The following CCDC174 variants were observed in gnomAD, a reference collection of about 807,000 sequenced individuals.
CCDC174 encodes coiled-coil domain-containing protein 174.
Under a neutral mutation model 57.1 loss-of-function variants are expected in CCDC174, and 37 were observed. The ratio of observed to expected loss-of-function variants is 0.65; its 90% CI spans 0.50 to 0.85. The LOEUF (loss-of-function observed/expected upper bound fraction) is 0.85, where lower values mean the gene tolerates loss of function less well. CCDC174 is among the 40% of genes least tolerant of loss of function. The probability of loss-of-function intolerance (pLI) is 0.00; values close to 1 mark genes in which losing one functional copy is unlikely to be tolerated. For synonymous variants in CCDC174, 182 were observed against 190.2 expected, an observed-to-expected ratio of 0.96 and a Z score of 0.35; for missense variants, 540 against 574.3, an observed-to-expected ratio of 0.94 and a Z score of 0.61.
At chr3:14,667,392 C>A in intron 7 of CCDC174, 32 bp from the exon 8 acceptor site, 1 of 1,543,320 alleles carries the variant, frequency 6.5e-7, no homozygotes, top group South Asian at 1.1e-5. Flanking sequence ...TCAGGACAGT[C>A]TGATCTTTTG....
chr3:14,656,943 G>T (rs1447806083), intron 3 of CCDC174, among the ~76,000 whole-genome samples: 2 of 152,136 alleles, frequency 1.3e-5, no homozygotes, highest in African/African-American at 4.8e-5. Context: ...CAGCAATCTT[G>T]GGTCTGAAGA....
intron 9 of CCDC174, 46 bp from the exon 10 acceptor site, chr3:14,669,888 C>A: frequency 6.3e-7 from 1 of 1,594,392 alleles, no homozygotes; most frequent in Non-Finnish European, 8.6e-7. Context: ...TTAAAAATAG[C>A]TTTAGGCTTT....
intron 3 of CCDC174, among the ~76,000 whole-genome samples, chr3:14,658,548 A>C (rs1463991797): frequency 1.3e-5 from 2 of 152,258 alleles, no homozygotes. Flanking sequence ...TTGGATTCTT[A>C]AGTCAGTTGA....
chr3:14,655,424 T>A, intron 2 of CCDC174, 105 bp from the exon 3 acceptor site: 1 of 651,542 alleles, frequency 1.5e-6, no homozygotes, highest in Admixed American at 2.7e-5. Flanking sequence ...CTCCATTGAT[T>A]CATAAGAACT....
At chr3:14,666,698 T>G in intron 6 of CCDC174, 107 bp from the exon 7 acceptor site, 1 of 905,182 alleles carries the variant, frequency 1.1e-6, no homozygotes, top group Non-Finnish European at 1.6e-6. Context: ...TAGTTCCCTG[T>G]TTTCTTTATC....
chr3:14,670,045 A>T lies in CCDC174; in HGVS notation c.1064A>T (p.Lys355Met). The T allele has an allele frequency of 6.2e-7, 1 of 1,612,366 alleles. No homozygotes were observed. The highest frequency in any genetic ancestry group is 8.5e-7 in the Non-Finnish European group (1 of 1,179,486). ...EVIVQERKDT[K>M]PGVPHIREWD... ...ATTGTCCAGGAGAGGAAGGACACCA[A>T]GCCTGGAGTGCCACACATCCGGGAG... The change falls in exon 10 of 11, where the codon AAG becomes ATG. Residue 355 changes from lysine to methionine, a missense_variant. Transcript: ENST00000383794.
intron 9 of CCDC174, among the ~76,000 whole-genome samples, chr3:14,668,386 A>G (rs1317976283): frequency 1.3e-5 from 2 of 152,238 alleles, no homozygotes; most frequent in Non-Finnish European, 2.9e-5. Flanking sequence ...AGATGAGGAT[A>G]TGAAGCAACA....
In CCDC174 at chr3:14,661,751, T is replaced by TG. The variant is rs2031147213; in HGVS notation, c.485+45dup. 3 of 1,522,604 alleles carry TG rather than the reference T, an allele frequency of 2.0e-6. No homozygotes were observed. In the African/African-American group the frequency reaches 4.2e-5, roughly 21 times the overall value. The allele number at this position is 1,522,604 out of a possible 1,614,324, so 94.3% of individuals were successfully genotyped here. A position where few individuals can be genotyped will look rare whatever the true frequency, so the allele number is the denominator to read the frequency against. On this transcript the variant is annotated intron_variant, in intron 5 of 10. Transcript: ENST00000383794. ...TAGCTCAGAGGAACATCCTCAGACT[T>TG]GCGCTGACATTTTGGGAGTGATTTT...
rs796411650 is a variant in CCDC174 at position 14,662,533 on chromosome 3, TTC to T, written c.485+828_485+829del. On this transcript the variant is annotated intron_variant, in intron 5 of 10. Transcript: ENST00000383794. Reference sequence around the variant, plus strand: ...ATAAGTAGAGAGACCAGAATGGGAATTCTGTTACAATGATTTTTTTCTACCTA... The same window carrying T: ...ATAAGTAGAGAGACCAGAATGGGAATTGTTACAATGATTTTTTTCTACCTA... 4.2e-4 allele frequency among the ~76,000 whole-genome samples: 64 copies of T among 152,338 alleles called. 1 individual carries two copies. The highest frequency in any genetic ancestry group is 1.5e-3 in the African/African-American group (62 of 41,578).
chr3:14,668,270 G>A (rs1244403175), intron 9 of CCDC174, 89 bp downstream of exon 9: 109 of 1,310,224 alleles, frequency 8.3e-5, no homozygotes, highest in East Asian at 7.2e-5. Context: ...GTGAAAATTA[G>A]CCATTTAGTT....
Position 14,671,276 on chromosome 3 carries a change from T to C in CCDC174, c.*82T>C. The C allele has an allele frequency of 7.3e-7, 1 of 1,365,352 alleles. No homozygotes were observed. Among genetic ancestry groups the C allele is most frequent in the South Asian group, 1.4e-5 (1 of 73,754 alleles). 84.6% of individuals were successfully genotyped at this position (1,365,352 alleles called of 1,614,324 possible). On this transcript the variant is annotated 3_prime_UTR_variant, in exon 11 of 11. Transcript: ENST00000383794. The stretch of plus-strand genomic sequence containing the variant: ...GGGAGAAATAACTTTAGGAACTGAA[T>C]TGTACCTTTGTCCTGTCCTTTCCCT...
intron 1 of CCDC174, among the ~76,000 whole-genome samples, chr3:14,654,005 G>A (rs1305138624): frequency 6.6e-6 from 1 of 152,166 alleles, no homozygotes; most frequent in African/African-American, 2.4e-5. Flanking sequence ...TCATGTTTAT[G>A]TTCTGCTCTT....
chr3:14,668,516 GTTATT>G (rs1267874138), intron 9 of CCDC174, among the ~76,000 whole-genome samples: 1 of 152,002 alleles, frequency 6.6e-6, no homozygotes, highest in Non-Finnish European at 1.5e-5. Context: ...TTTGCTATTG[GTTATT>G]TTATATATAT....
chr3:14,668,227 T>G (rs1384428278), intron 9 of CCDC174, 46 bp downstream of exon 9: 1 of 1,536,068 alleles, frequency 6.5e-7, no homozygotes, highest in African/African-American at 1.4e-5. Context: ...AAAATTTTAT[T>G]TCCATTGATG....
chr3:14,670,787 T>A, intron 10 of CCDC174, 109 bp from the exon 11 acceptor site: 2 of 936,666 alleles, frequency 2.1e-6, no homozygotes, highest in Non-Finnish European at 3.2e-6. Flanking sequence ...ATTCTTTGGA[T>A]AATTTGTGGT....
intron 10 of CCDC174, 36 bp from the exon 11 acceptor site, chr3:14,670,860 A>T: frequency 6.7e-7 from 1 of 1,490,370 alleles, no homozygotes; most frequent in Non-Finnish European, 9.1e-7. Context: ...TGATTCGTTA[A>T]TCAGTTCTAA....
intron 10 of CCDC174, 127 bp from the exon 11 acceptor site, chr3:14,670,769 C>T: frequency 2.5e-6 from 2 of 789,610 alleles, no homozygotes; most frequent in Non-Finnish European, 4.0e-6. Flanking sequence ...TTTGCTGTTG[C>T]CATTCTTATT....
intron 9 of CCDC174, 43 bp from the exon 10 acceptor site, chr3:14,669,891 T>C: frequency 6.3e-7 from 1 of 1,594,890 alleles, no homozygotes; most frequent in Non-Finnish European, 8.6e-7. Flanking sequence ...AAAATAGCTT[T>C]AGGCTTTTTT....
At chr3:14,652,107 C>T (rs917515064) in intron 1 of CCDC174, among the ~76,000 whole-genome samples, 6 of 152,222 alleles carry the variant, frequency 3.9e-5, no homozygotes, top group Non-Finnish European at 8.8e-5. Flanking sequence ...GGCCAGAACC[C>T]TCGGACACGG....
Sources: allele counts gnomAD v4.1 joint callset (sites outside exome capture counted in the v4.1 genomes callset), GRCh38; gene constraint gnomAD v4.1.1; transcripts MANE v1.5; gene names NCBI Gene and HGNC (gene_info 2026-07-23, HGNC 2026-07-21).